Variants in LEMD3 observed in about 807,000 individuals in gnomAD.
LEMD3 encodes LEM domain containing 3.
In LEMD3, 33 loss-of-function variants were observed where a neutral mutation model predicts 95.2. The observed-to-expected ratio is 0.35, with a 90% CI of 0.26 to 0.46. The LOEUF is 0.46. Among genes scored for constraint, LEMD3 ranks in the 20% least tolerant of loss-of-function variants. LEMD3 has a pLI of 1.00. For missense variants in LEMD3, 1,210 were observed against 1,192.8 expected, an observed-to-expected ratio of 1.01 and a Z score of -0.21; for synonymous variants, 525 against 474.6, an observed-to-expected ratio of 1.11 and a Z score of -1.38.
chr12:65,191,785 C>T (rs1421149989), intron 1 of LEMD3, among the ~76,000 whole-genome samples: 1 of 151,722 alleles, frequency 6.6e-6, no homozygotes, highest in African/African-American at 2.4e-5. Context: ...ATTAGCTGGA[C>T]GTGGTGGTGC....
chr12:65,185,802 G>T (rs1450335938), intron 1 of LEMD3, among the ~76,000 whole-genome samples: 2 of 151,916 alleles, frequency 1.3e-5, no homozygotes, highest in Non-Finnish European at 2.9e-5. Context: ...AGAGGTGATT[G>T]TACAAGATCT....
intron 1 of LEMD3, among the ~76,000 whole-genome samples, chr12:65,202,121 C>T (rs1869620839): frequency 6.6e-6 from 1 of 151,358 alleles, no homozygotes; most frequent in South Asian, 2.1e-4. Context: ...AAGCAATTCT[C>T]CTGCTTCGAG....
intron 1 of LEMD3, among the ~76,000 whole-genome samples, chr12:65,189,573 A>G (rs7974761): frequency 0.024 from 3,583 of 152,334 alleles, 165 homozygotes; most frequent in African/African-American, 0.082. Context: ...TACAATGTCA[A>G]GGACAATGAA....
chr12:65,174,692 A>G (rs1437184974), intron 1 of LEMD3, among the ~76,000 whole-genome samples: 1 of 152,092 alleles, frequency 6.6e-6, no homozygotes, highest in Non-Finnish European at 1.5e-5. Context: ...ATTCAACAGC[A>G]GAGTGTCTAC....
intron 1 of LEMD3, among the ~76,000 whole-genome samples, chr12:65,188,998 T>C (rs1869154022): frequency 6.6e-6 from 1 of 152,140 alleles, no homozygotes; most frequent in Admixed American, 6.6e-5. Context: ...AGTGGATGCC[T>C]GAAAATGGAT....
At chr12:65,244,147 A>G (rs1019523296) in intron 10 of LEMD3, among the ~76,000 whole-genome samples, 5 of 152,230 alleles carry the variant, frequency 3.3e-5, no homozygotes, top group African/African-American at 1.2e-4. Flanking sequence ...GGCAATTACA[A>G]TATGTATACA....
intron 1 of LEMD3, among the ~76,000 whole-genome samples, chr12:65,184,873 C>T (rs928854914): frequency 2.0e-5 from 3 of 152,132 alleles, no homozygotes; most frequent in Non-Finnish European, 4.4e-5. Flanking sequence ...GACTTGAAAG[C>T]TCATCCACTA....
intron 4 of LEMD3, among the ~76,000 whole-genome samples, chr12:65,219,164 G>T (rs1870205946): frequency 2.0e-5 from 3 of 152,160 alleles, no homozygotes; most frequent in Non-Finnish European, 4.4e-5. Flanking sequence ...AGAAACATTG[G>T]TCATAGGGAA....
At chr12:65,215,126 T>C (rs545797747) in intron 2 of LEMD3, among the ~76,000 whole-genome samples, 1 of 152,336 alleles carries the variant, frequency 6.6e-6, no homozygotes, top group African/African-American at 2.4e-5. Flanking sequence ...ACAACTTTTC[T>C]AGTAGTTTGC....
intron 1 of LEMD3, among the ~76,000 whole-genome samples, chr12:65,190,470 A>T (rs762716448): frequency 2.6e-5 from 4 of 152,158 alleles, no homozygotes; most frequent in Non-Finnish European, 5.9e-5. Context: ...TCTGCATGAT[A>T]AAAACCTAGG....
intron 4 of LEMD3, among the ~76,000 whole-genome samples, chr12:65,237,011 G>A (rs538280852): frequency 5.9e-5 from 9 of 152,036 alleles, no homozygotes; most frequent in Admixed American, 5.2e-4. Flanking sequence ...GCTTTTGTTT[G>A]TGGGAGATAT....
chr12:65,238,129 G>C (rs1008396040), intron 4 of LEMD3, among the ~76,000 whole-genome samples: 3 of 152,076 alleles, frequency 2.0e-5, no homozygotes, highest in Non-Finnish European at 2.9e-5. Flanking sequence ...AAGAAAATTA[G>C]CTGGGCCTGG....
chr12:65,197,202 A>T (rs7956869), intron 1 of LEMD3, among the ~76,000 whole-genome samples: 5,713 of 152,148 alleles, frequency 0.038, 352 homozygotes, highest in African/African-American at 0.13. Context: ...AATGGCTTCT[A>T]TCTGATTTGT....
intron 1 of LEMD3, among the ~76,000 whole-genome samples, chr12:65,207,553 A>C (rs2136333975): frequency 6.6e-6 from 1 of 152,240 alleles, no homozygotes; most frequent in East Asian, 1.9e-4. Context: ...TTCAGGCCTA[A>C]AGAAGACCAG....
intron 1 of LEMD3, among the ~76,000 whole-genome samples, chr12:65,205,504 T>A (rs1193322442): frequency 1.3e-5 from 2 of 152,346 alleles, no homozygotes; most frequent in East Asian, 3.9e-4. Flanking sequence ...GTTTTCTTTA[T>A]AGTCTTAGTG....
chr12:65,180,403 T>C (rs987669213), intron 1 of LEMD3, among the ~76,000 whole-genome samples: 2 of 149,946 alleles, frequency 1.3e-5, no homozygotes, highest in African/African-American at 4.9e-5. Flanking sequence ...TTGCCAAAAT[T>C]TTTTTAAACA....
intron 4 of LEMD3, among the ~76,000 whole-genome samples, chr12:65,237,842 G>T (rs1179922402): frequency 1.3e-5 from 2 of 152,186 alleles, no homozygotes; most frequent in Non-Finnish European, 1.5e-5. Flanking sequence ...GCTTTTATGT[G>T]TTGAGAATAC....
chr12:65,246,787 C>G lies in LEMD3; in HGVS notation c.*462C>G, dbSNP rs1476289924. 1 of 167,026 alleles carries G rather than the reference C, an allele frequency of 6.0e-6. No individual in the cohort carries two copies. The highest frequency in any genetic ancestry group is 1.3e-5 in the Non-Finnish European group (1 of 77,412). The allele number at this position is 167,026 out of a possible 1,614,324, so 10.3% of individuals were successfully genotyped here. On this transcript the variant is annotated 3_prime_UTR_variant, in exon 13 of 13. Coordinates refer to ENST00000308330, the MANE Select transcript of LEMD3 (RefSeq NM_014319.5). Reference sequence around the variant, plus strand: ...GATTTCCCAATTTAACCTTAGGTTTCTGTTGCTTATAAGCGATTCATTTGC... The same window carrying G: ...GATTTCCCAATTTAACCTTAGGTTTGTGTTGCTTATAAGCGATTCATTTGC...
intron 1 of LEMD3, among the ~76,000 whole-genome samples, chr12:65,202,310 G>T (rs552906817): frequency 2.0e-5 from 3 of 152,042 alleles, no homozygotes; most frequent in African/African-American, 7.2e-5. Flanking sequence ...GAACCACTGC[G>T]CCTGGCCTGG....
Sources: gnomAD v4.1 joint callset for allele counts (sites outside exome capture counted in the v4.1 genomes callset) on GRCh38, gnomAD v4.1.1 for gene constraint, MANE v1.5 for transcripts, NCBI Gene and HGNC (gene_info 2026-07-23, HGNC 2026-07-21) for gene names.